Variants in DCLRE1B observed in about 807,000 individuals in gnomAD.
DCLRE1B encodes the protein 5' exonuclease Apollo.
DCLRE1B carries 6 observed loss-of-function variants against 19.8 expected under a neutral mutation model. That is an observed-to-expected ratio of 0.30 (90% CI 0.17 to 0.60). The LOEUF (loss-of-function observed/expected upper bound fraction) is 0.60. Among genes scored for constraint, DCLRE1B ranks in the 20% least tolerant of loss-of-function variants. The pLI is 0.87. For synonymous variants in DCLRE1B, 258 were observed against 255.7 expected (o/e 1.01, Z -0.09); for missense variants, 622 against 654.2 (o/e 0.95, Z 0.54).
rs917754449 is a variant in DCLRE1B at position 113,912,452 on chromosome 1, C to A, written c.*261C>A. Reference sequence around the variant, plus strand: ...AGTATGCGTGAGCAAATTAAAAGTTCTTTGAAGTCCTACAGTAACTTAATC... The same window carrying A: ...AGTATGCGTGAGCAAATTAAAAGTTATTTGAAGTCCTACAGTAACTTAATC... On this transcript the variant is annotated 3_prime_UTR_variant, in exon 4 of 4. Coordinates refer to ENST00000650450, the MANE Select transcript of DCLRE1B (RefSeq NM_022836.4). 8.9e-5 allele frequency: 31 copies of A among 350,038 alleles called. No homozygotes were observed. Among genetic ancestry groups the A allele is most frequent in the Non-Finnish European group, 1.5e-4 (30 of 193,904 alleles). The allele number at this position is 350,038 out of a possible 1,614,324, so 21.7% of individuals were successfully genotyped here. A position where few individuals can be genotyped will look rare whatever the true frequency, so the allele number is the denominator to read the frequency against.
Position 113,906,883 on chromosome 1 carries a change from C to T in DCLRE1B, c.190-113C>T. 3.4e-6 allele frequency: 4 copies of T among 1,178,574 alleles called. No individual in the cohort carries two copies. In the Admixed American group the frequency reaches 8.6e-5, roughly 25 times the overall value. 73.0% of individuals were successfully genotyped at this position (1,178,574 alleles called of 1,614,324 possible). The stretch of plus-strand genomic sequence containing the variant: ...GGAATCCCCATTACAGCTTCTGCTC[C>T]CGGTGGCTCAGGATTTGGTCAGCTT... On this transcript the variant is annotated intron_variant, in intron 1 of 3. Transcript: ENST00000650450.
In DCLRE1B at chr1:113,905,356, C is replaced by G. The variant is rs28364566; in HGVS notation, c.-231C>G. ...GAGTGCCCGGCTCGGCCTCCGCTCCCGCGCGGTTGGGAGTGTCCAGCGCCC... is the reference window on the plus strand; with the variant it reads ...GAGTGCCCGGCTCGGCCTCCGCTCCGGCGCGGTTGGGAGTGTCCAGCGCCC... On this transcript the variant is annotated 5_prime_UTR_variant, in exon 1 of 4. Coordinates refer to ENST00000650450, the MANE Select transcript of DCLRE1B (RefSeq NM_022836.4). The G allele has an allele frequency of 5.7e-6, 3 of 530,742 alleles. No individual in the cohort carries two copies. Among genetic ancestry groups the G allele is most frequent in the African/African-American group, 3.9e-5 (2 of 51,222 alleles). 32.9% of individuals were successfully genotyped at this position (530,742 alleles called of 1,614,324 possible).
intron 3 of DCLRE1B, 55 bp from the exon 4 acceptor site, chr1:113,911,076 A>G (rs925137129): frequency 2.6e-5 from 39 of 1,482,970 alleles, no homozygotes; most frequent in Middle Eastern, 1.9e-4. Flanking sequence ...GGATTTTCCA[A>G]TAGCTTAATT....
chr1:113,908,518 G>GGA (rs1420876397), intron 3 of DCLRE1B, among the ~76,000 whole-genome samples: 1 of 152,166 alleles, frequency 6.6e-6, no homozygotes, highest in Non-Finnish European at 1.5e-5. Flanking sequence ...TGAGACAGGA[G>GGA]GATTGCCTGG....
upstream of DCLRE1B, chr1:113,904,619 G>C (rs982298987): frequency 3.7e-6 from 6 of 1,613,978 alleles, no homozygotes; most frequent in Non-Finnish European, 4.2e-6. Flanking sequence ...TCACTCGCTG[G>C]ATGACATTCC....
chr1:113,908,358 A>G (rs1669121286), intron 3 of DCLRE1B, among the ~76,000 whole-genome samples, 167 bp downstream of exon 3: 1 of 152,246 alleles, frequency 6.6e-6, no homozygotes, highest in Non-Finnish European at 1.5e-5. Context: ...CTATAATCCC[A>G]GCACTTTGGG....
chr1:113,905,705 T>TAGACAG lies in DCLRE1B; in HGVS notation c.119_120insAGACAG (p.Leu40_Ser41insAspArg). 3 of 1,614,208 alleles carry TAGACAG rather than the reference T, an allele frequency of 1.9e-6. No homozygotes were observed. Among genetic ancestry groups the TAGACAG allele is most frequent in the Non-Finnish European group, 2.5e-6 (3 of 1,180,040 alleles). ...ATGCACTCGGACCACACCGTGGGCCTGTCTAGCACCTGGGCCCGGCCCCTC... is the reference window on the plus strand; with the variant it reads ...ATGCACTCGGACCACACCGTGGGCCTAGACAGGTCTAGCACCTGGGCCCGGCCCCTC... On this transcript the variant is annotated inframe_insertion, in exon 1 of 4. Transcript: ENST00000650450.
intron 3 of DCLRE1B, among the ~76,000 whole-genome samples, chr1:113,908,736 T>TA (rs1449274784): frequency 6.6e-6 from 1 of 152,224 alleles, no homozygotes; most frequent in Non-Finnish European, 1.5e-5. Context: ...ACTATATATA[T>TA]TTTTAAATAT....
chr1:113,907,034 G>A lies in DCLRE1B; in HGVS notation c.228G>A (p.Glu76=). 6.2e-7 allele frequency: 1 copy of A among 1,613,950 alleles called. No individual in the cohort carries two copies. Among genetic ancestry groups the A allele is most frequent in the Non-Finnish European group, 8.5e-7 (1 of 1,180,000 alleles). Residue 76 remains glutamate, a synonymous_variant, in exon 2 of 4, where the codon GAG becomes GAA. Transcript: ENST00000650450. The stretch of plus-strand genomic sequence containing the variant: ...GGATCCAAGCCCTGGAGGTTGGTGA[G>A]AGCCATGTATTACCCCTAGATGAAA... ...KQWIQALEVG[E]SHVLPLDEIG...
At chr1:113,908,344 A>C (rs1669120435) in intron 3 of DCLRE1B, among the ~76,000 whole-genome samples, 153 bp downstream of exon 3, 1 of 152,226 alleles carries the variant, frequency 6.6e-6, no homozygotes, top group Admixed American at 6.5e-5. Context: ...GTGGTGGTTC[A>C]TGCCTATAAT....
rs751135025 is a variant in DCLRE1B, at chr1:113,912,220, G to A, written c.*29G>A. On this transcript the variant is annotated 3_prime_UTR_variant, in exon 4 of 4. Transcript: ENST00000650450. ...CAGGAGAGTACAGAATGACAACATTGAGCCCACACTGCAGTTTTGAAGATA... is the reference window on the plus strand; with the variant it reads ...CAGGAGAGTACAGAATGACAACATTAAGCCCACACTGCAGTTTTGAAGATA... The A allele has an allele frequency of 6.4e-7, 1 of 1,562,866 alleles. No homozygotes were observed. Among genetic ancestry groups the A allele is most frequent in the South Asian group, 1.2e-5 (1 of 84,510 alleles).
intron 3 of DCLRE1B, among the ~76,000 whole-genome samples, chr1:113,909,803 G>A (rs1436645107): frequency 6.6e-6 from 1 of 152,188 alleles, no homozygotes; most frequent in Non-Finnish European, 1.5e-5. Flanking sequence ...GACTTGGAGG[G>A]CTCACAGTCT....
Position 113,908,139 on chromosome 1 carries a change from C to G in DCLRE1B, c.486C>G (p.Ala162=). 6.2e-7 allele frequency: 1 copy of G among 1,614,176 alleles called. No individual in the cohort carries two copies. The highest frequency in any genetic ancestry group is 8.5e-7 in the Non-Finnish European group (1 of 1,180,016). Residue 162 remains alanine (A), a synonymous_variant, in exon 3 of 4, where the codon GCC becomes GCG. Transcript: ENST00000650450. ...TTCTTCCTTCCCGACAAGAAGCTGC[C>G]CACCAGATTGTCCAGCTCATTCGAA... ...ALVLPSRQEA[A]HQIVQLIRKH...
At chr1:113,909,200 T>C (rs79009671) in intron 3 of DCLRE1B, among the ~76,000 whole-genome samples, 7 of 152,338 alleles carry the variant, frequency 4.6e-5, no homozygotes, top group African/African-American at 9.6e-5. Flanking sequence ...TATGAATGAA[T>C]GAAATTTATC....
rs1669352146 is a variant in DCLRE1B at position 113,913,808 on chromosome 1, T to C, written c.*1617T>C. The C allele has an allele frequency of 6.6e-6, 1 of 152,286 alleles. No homozygotes were observed. Among genetic ancestry groups the C allele is most frequent in the East Asian group, 1.9e-4 (1 of 5,276 alleles). 9.4% of individuals were successfully genotyped at this position (152,286 alleles called of 1,614,324 possible). A position where few individuals can be genotyped will look rare whatever the true frequency, so the allele number is the denominator to read the frequency against. ...TTTTAATTCCTCGTAGATTAATTGA[T>C]TTGCTATCTTTTAGTTTTTTTTTCT... On this transcript the variant is annotated 3_prime_UTR_variant, in exon 4 of 4. Coordinates refer to ENST00000650450, the MANE Select transcript of DCLRE1B (RefSeq NM_022836.4).
rs2101062222 is a variant in DCLRE1B, at chr1:113,905,560, C to G, written c.-27C>G. On this transcript the variant is annotated 5_prime_UTR_variant, in exon 1 of 4. In the 5' UTR this introduces an upstream ATG that the reference lacks. Transcript: ENST00000650450. ...GGAGCCCTGCCCCCGTGGAGAAGAT[C>G]CCACTGGTGACTCCAACCCTACCAC... 6.2e-7 allele frequency: 1 copy of G among 1,607,738 alleles called. No individual in the cohort carries two copies. Among genetic ancestry groups the G allele is most frequent in the East Asian group, 2.2e-5 (1 of 44,808 alleles).
intron 1 of DCLRE1B, among the ~76,000 whole-genome samples, chr1:113,906,501 T>G (rs1318125043): frequency 6.6e-6 from 1 of 150,942 alleles, no homozygotes; most frequent in East Asian, 2.0e-4. Context: ...AACTCTTTTT[T>G]TTTTTTTGAG....
In DCLRE1B at chr1:113,911,524, G is replaced by A. The variant is rs1406000401; in HGVS notation, c.932G>A (p.Ser311Asn). ...TGTGGAGGCTTTCAGGACAGTCTGA[G>A]CCCCAGGATCTCCGTGCCCCTGATT... is the stretch of plus-strand genomic sequence containing the variant. Reference protein sequence around the residue: ...RPCGGFQDSLSPRISVPLIPD... With the variant: ...RPCGGFQDSLNPRISVPLIPD... Residue 311 changes from serine to asparagine, a missense_variant, in exon 4 of 4, where the codon AGC becomes AAC. By Grantham distance (46) the Ser-to-Asn change is conservative. Around this residue, in one of 3 missense-constraint regions of DCLRE1B, gnomAD observed 382 missense variants for 412.5 expected, o/e 0.93. Transcript: ENST00000650450. The A allele has an allele frequency of 1.2e-6, 2 of 1,613,698 alleles. No individual in the cohort carries two copies. Among genetic ancestry groups the A allele is most frequent in the Admixed American group, 3.3e-5 (2 of 59,970 alleles).
rs990980138 is a variant in DCLRE1B at position 113,905,500 on chromosome 1, C to T, written c.-87C>T. ...TGGCCCTGTTCTTGCCCCAGCATGA[C>T]TTTTATCGGGACGCCGTTGTGGAAG... On this transcript the variant is annotated 5_prime_UTR_variant, in exon 1 of 4. Coordinates refer to ENST00000650450, the MANE Select transcript of DCLRE1B (RefSeq NM_022836.4). 1 of 1,426,566 alleles carries T rather than the reference C, an allele frequency of 7.0e-7. No individual in the cohort carries two copies. Among genetic ancestry groups the T allele is most frequent in the African/African-American group, 1.4e-5 (1 of 69,990 alleles). 88.4% of individuals were successfully genotyped at this position (1,426,566 alleles called of 1,614,324 possible). A position where few individuals can be genotyped will look rare whatever the true frequency, so the allele number is the denominator to read the frequency against.
Sources: gnomAD v4.1 joint callset for allele counts (sites outside exome capture counted in the v4.1 genomes callset) on GRCh38, gnomAD v4.1.1 for gene constraint, gnomAD v4.1.1 regional missense constraint, MANE v1.5 for transcripts, NCBI Gene and HGNC (gene_info 2026-07-23, HGNC 2026-07-21) for gene names.